Variants in LFNG observed in about 807,000 individuals in gnomAD.
LFNG encodes beta-1,3-N-acetylglucosaminyltransferase lunatic fringe.
Under a neutral mutation model 32.7 loss-of-function variants are expected in LFNG, and 15 were observed. That is an observed-to-expected ratio of 0.46 (90% CI 0.31 to 0.71). The LOEUF (loss-of-function observed/expected upper bound fraction) is 0.71. Ranked by LOEUF, LFNG falls within the 30% of genes least tolerant of loss-of-function variation. The pLI is 0.06. For synonymous variants in LFNG, 274 were observed against 246.8 expected, an observed-to-expected ratio of 1.11 and a Z score of -1.03; for missense variants, 520 against 545.7, an observed-to-expected ratio of 0.95 and a Z score of 0.47.
At chr7:2,516,920 G>A (rs756172967), upstream of LFNG, among the ~76,000 whole-genome samples, 5 of 152,164 alleles carry the variant, frequency 3.3e-5, no homozygotes, top group Admixed American at 1.3e-4. Flanking sequence ...CTCTGGGTTC[G>A]GAAGGCAGGC....
upstream of LFNG, among the ~76,000 whole-genome samples, chr7:2,516,286 G>A (rs766277182): frequency 5.2e-4 from 79 of 152,212 alleles, no homozygotes; most frequent in Admixed American, 3.2e-3. Context: ...CCGATGAGTG[G>A]ACAGGCGCCT....
chr7:2,522,063 C>T (rs1413532151), intron 1 of LFNG, among the ~76,000 whole-genome samples: 8 of 152,194 alleles, frequency 5.3e-5, no homozygotes, highest in African/African-American at 1.9e-4. Flanking sequence ...AGAAGAGGGC[C>T]CCCCTCTCCC....
upstream of LFNG, chr7:2,513,178 G>C (rs1192338535): frequency 6.2e-7 from 1 of 1,613,828 alleles, no homozygotes; most frequent in Non-Finnish European, 8.5e-7. Flanking sequence ...TCTGGGCATG[G>C]AGCAAATGCT....
chr7:2,517,541 G>A (rs533475080), upstream of LFNG: 9 of 400,290 alleles, frequency 2.2e-5, no homozygotes, highest in East Asian at 7.6e-5. Flanking sequence ...CAAAGGCACC[G>A]CAGTCAGGGG....
upstream of LFNG, among the ~76,000 whole-genome samples, chr7:2,515,832 C>G (rs908597625): frequency 7.2e-5 from 11 of 152,240 alleles, no homozygotes; most frequent in African/African-American, 2.7e-4. Context: ...CTACTCACAG[C>G]TGGAGTCTGC....
rs1435356959 is a variant in LFNG, at chr7:2,520,287, G to A, written c.426G>A (p.Lys142=). The A allele has an allele frequency of 1.9e-6, 3 of 1,608,818 alleles. No homozygotes were observed. In the African/African-American group the frequency reaches 4.0e-5, roughly 22 times the overall value. ...LLLETWISRH[K]EMTFIFTDGE... ...TGGAGACCTGGATCTCGCGCCACAAGGAGATGGTGAGCCCCCCGCGGCCTG... is the reference window on the plus strand; with the variant it reads ...TGGAGACCTGGATCTCGCGCCACAAAGAGATGGTGAGCCCCCCGCGGCCTG... Residue 142 remains lysine (K), a synonymous_variant, in exon 1 of 8, where the codon AAG becomes AAA. Coordinates refer to ENST00000222725, the MANE Select transcript of LFNG (RefSeq NM_001040167.2). The surrounding 1 kb of genome is among the most constrained non-coding windows in gnomAD (Gnocchi z 5.0).
chr7:2,524,863 GT>G, intron 2 of LFNG, 120 bp downstream of exon 2: 1 of 934,146 alleles, frequency 1.1e-6, no homozygotes, highest in Non-Finnish European at 1.7e-6. Flanking sequence ...AGGGAGGGCA[GT>G]TTACTCATGG....
chr7:2,528,705 T>C (rs1780071757), downstream of LFNG, among the ~76,000 whole-genome samples: 1 of 152,146 alleles, frequency 6.6e-6, no homozygotes, highest in Non-Finnish European at 1.5e-5. Flanking sequence ...CTGGGGGCTC[T>C]AGGTCCCAGC....
At chr7:2,525,094 G>C in intron 2 of LFNG, 125 bp from the exon 3 acceptor site, 1 of 869,288 alleles carries the variant, frequency 1.2e-6, no homozygotes, top group Non-Finnish European at 1.8e-6. Flanking sequence ...GGGAGGCTAC[G>C]GCCGCCGGGC....
upstream of LFNG, chr7:2,513,451 G>T (rs549656090): frequency 1.9e-4 from 209 of 1,114,768 alleles, 2 homozygotes; most frequent in South Asian, 2.4e-3. Context: ...GCCCATGGTA[G>T]CGATGGGGAG....
chr7:2,527,315 C>T lies in LFNG; in HGVS notation c.*103C>T, dbSNP rs1780019053. 8.5e-6 allele frequency: 13 copies of T among 1,536,090 alleles called. No homozygotes were observed. Among genetic ancestry groups the T allele is most frequent in the South Asian group, 7.0e-5 (6 of 85,572 alleles). ...TCGGCATTCGAGGCTCCCCTAGGGC[C>T]GTGCCTGTGCGTGTGCGTGTGCGTG... On this transcript the variant is annotated 3_prime_UTR_variant, in exon 8 of 8. Transcript: ENST00000222725. The surrounding 1 kb of genome is among the most constrained non-coding windows in gnomAD (Gnocchi z 4.4).
Position 2,528,121 on chromosome 7 carries a change from A to C in LFNG, c.*909A>C, listed in dbSNP as rs1780050966. On this transcript the variant is annotated 3_prime_UTR_variant, in exon 8 of 8. Coordinates refer to ENST00000222725, the MANE Select transcript of LFNG (RefSeq NM_001040167.2). The stretch of plus-strand genomic sequence containing the variant: ...TTTTATCTTATCTTTTCTGTGGATC[A>C]GAAAAAACAGAAGCCAAACTCGGGG... 1 of 985,528 alleles carries C rather than the reference A, an allele frequency of 1.0e-6. No homozygotes were observed. Among genetic ancestry groups the C allele is most frequent in the East Asian group, 1.1e-4 (1 of 8,822 alleles). The allele number at this position is 985,528 out of a possible 1,614,324, so 61.0% of individuals were successfully genotyped here. A position where few individuals can be genotyped will look rare whatever the true frequency, so the allele number is the denominator to read the frequency against.
At chr7:2,513,356 C>A (rs542479665), upstream of LFNG, 2 of 1,561,426 alleles carry the variant, frequency 1.3e-6, no homozygotes, top group Admixed American at 3.6e-5. Flanking sequence ...GGGGACATAA[C>A]CTCCCCTTCT....
rs773374700 is a variant in LFNG at position 2,525,466 on chromosome 7, C to T, written c.634C>T (p.Arg212Trp). ...DNYVNLRALL[R>W]LLASYPHTRD... ...CTACGTCAACCTGCGGGCCCTGCTG[C>T]GGCTGCTGGCCAGCTACCCGCACAC... Residue 212 changes from arginine (R) to tryptophan (W), a missense_variant, in exon 4 of 8, where the codon CGG becomes TGG. This residue lies in a region of LFNG where 360 missense variants were observed against 354.7 expected (regional missense o/e 1.01). Transcript: ENST00000222725. The T allele has an allele frequency of 1.8e-5, 29 of 1,612,446 alleles. No individual in the cohort carries two copies. The highest frequency in any genetic ancestry group is 1.0e-4 in the Admixed American group (6 of 59,986).
intron 1 of LFNG, among the ~76,000 whole-genome samples, chr7:2,521,406 C>CA (rs1779787918): frequency 6.6e-5 from 10 of 152,226 alleles, no homozygotes; most frequent in Admixed American, 6.5e-4. Context: ...GGGCGGCTCT[C>CA]ACGCCGGCCC....
rs900342548 is a variant in LFNG at position 2,528,142 on chromosome 7, C to T, written c.*930C>T. On this transcript the variant is annotated 3_prime_UTR_variant, in exon 8 of 8. Coordinates refer to ENST00000222725, the MANE Select transcript of LFNG (RefSeq NM_001040167.2). ...GATCAGAAAAAACAGAAGCCAAACT[C>T]GGGGTCATCTTTGTTTTTAAAGCTG... The T allele has an allele frequency of 2.4e-5, 24 of 985,426 alleles. No homozygotes were observed. The highest frequency in any genetic ancestry group is 2.8e-5 in the Non-Finnish European group (23 of 829,906). The allele number at this position is 985,426 out of a possible 1,614,324, so 61.0% of individuals were successfully genotyped here.
upstream of LFNG, among the ~76,000 whole-genome samples, chr7:2,514,196 A>G (rs1779554381): frequency 6.6e-6 from 1 of 152,216 alleles, no homozygotes; most frequent in Non-Finnish European, 1.5e-5. Context: ...CAGCCCTGCC[A>G]GGTCTTCTCA....
chr7:2,525,337 G>A lies in LFNG; in HGVS notation c.581+19G>A. ...GCAGGAAGTGAGTGTGGCCCCGGGG[G>A]ACCCCCATCTCCCTGCCCGAGCCTG... On this transcript the variant is annotated intron_variant, in intron 3 of 7. Coordinates refer to ENST00000222725, the MANE Select transcript of LFNG (RefSeq NM_001040167.2). 1 of 1,612,220 alleles carries A rather than the reference G, an allele frequency of 6.2e-7. No individual in the cohort carries two copies. The highest frequency in any genetic ancestry group is 1.3e-5 in the African/African-American group (1 of 75,038).
intron 1 of LFNG, chr7:2,512,777 T>G (rs1378723678): frequency 3.8e-6 from 5 of 1,326,826 alleles, no homozygotes; most frequent in Non-Finnish European, 5.4e-6. Context: ...TGGAGCCCCC[T>G]ATGTCTCCCC....
Sources: gnomAD v4.1 joint callset for allele counts (sites outside exome capture counted in the v4.1 genomes callset) on GRCh38, gnomAD v4.1.1 for gene constraint, gnomAD v4.1.1 regional missense constraint, Gnocchi (gnomAD v3.1) non-coding constraint, MANE v1.5 for transcripts, NCBI Gene and HGNC (gene_info 2026-07-23, HGNC 2026-07-21) for gene names.